The following FBXO11 variants were observed in gnomAD, a reference collection of about 807,000 sequenced individuals.
FBXO11 encodes F-box protein 11.
FBXO11 carries 13 observed loss-of-function variants against 117.0 expected under a neutral mutation model. The ratio of observed to expected loss-of-function variants is 0.11; its 90% confidence interval spans 0.07 to 0.18. FBXO11 has a LOEUF of 0.18. Among genes scored for constraint, FBXO11 ranks in the 10% least tolerant of loss-of-function variants. FBXO11 has a pLI of 1.00. For missense variants in FBXO11, 767 were observed against 1,164.4 expected (o/e 0.66, Z 4.97); for synonymous variants, 490 against 380.5 (o/e 1.29, Z -3.35).
At chr2:47,816,355 A>AT (rs951105589) in intron 16 of FBXO11, among the ~76,000 whole-genome samples, 1 of 151,710 alleles carries the variant, frequency 6.6e-6, no homozygotes, top group Non-Finnish European at 1.5e-5. Context: ...AATTTTTTCT[A>AT]TTTTTTACAG....
chr2:47,825,852 C>A (rs548605517), intron 11 of FBXO11, among the ~76,000 whole-genome samples: 1 of 152,182 alleles, frequency 6.6e-6, no homozygotes, highest in African/African-American at 2.4e-5. Flanking sequence ...GCTGGGATTA[C>A]AGGTGTGAGC....
chr2:47,813,405 A>G, intron 17 of FBXO11, 28 bp from the exon 18 acceptor site: 2 of 1,073,736 alleles, frequency 1.9e-6, no homozygotes, highest in Non-Finnish European at 2.6e-6. Context: ...TAGGTTATCT[A>G]GAAGGTATAT....
chr2:47,811,117 GTCC>G (rs1670582036), intron 18 of FBXO11: 3 of 152,122 alleles, frequency 2.0e-5, no homozygotes, highest in South Asian at 2.1e-4. Context: ...ACTTCTTGGG[GTCC>G]TCCTCCTGTT....
intron 1 of FBXO11, among the ~76,000 whole-genome samples, chr2:47,871,949 A>C (rs1453576548): frequency 6.6e-6 from 1 of 152,212 alleles, no homozygotes; most frequent in Non-Finnish European, 1.5e-5. Flanking sequence ...TTTAATTTAC[A>C]AGAGCTCATT....
intron 1 of FBXO11, among the ~76,000 whole-genome samples, chr2:47,861,901 G>C (rs868353056): frequency 6.7e-6 from 1 of 149,634 alleles, no homozygotes; most frequent in African/African-American, 2.4e-5. Context: ...TGTCATGTAA[G>C]GTTAAGTTTT....
intron 1 of FBXO11, among the ~76,000 whole-genome samples, chr2:47,874,812 G>C (rs551749532): frequency 6.6e-6 from 1 of 151,424 alleles, no homozygotes; most frequent in East Asian, 1.9e-4. Flanking sequence ...TAGGATTATA[G>C]GCATGTGCCA....
chr2:47,905,640 G>C lies in FBXO11; in HGVS notation c.81C>G (p.Pro27=), dbSNP rs1404486081. Residue 27 remains proline, a synonymous_variant, in exon 1 of 23, where the codon CCC becomes CCG. Transcript: ENST00000403359. ...PRPVQQQQQQ[P]PQQPPPQPPQ... ...GCGGCTGCGGCGGCGGCTGCTGCGG[G>C]GGCTGCTGCTGCTGTTGCTGCACCG... The C allele has an allele frequency of 2.8e-6, 4 of 1,422,746 alleles. No individual in the cohort carries two copies. Among genetic ancestry groups the C allele is most frequent in the East Asian group, 3.1e-5 (1 of 32,632 alleles). 88.1% of individuals were successfully genotyped at this position (1,422,746 alleles called of 1,614,324 possible).
intron 11 of FBXO11, among the ~76,000 whole-genome samples, chr2:47,831,626 G>A (rs545831493): frequency 2.0e-4 from 31 of 151,598 alleles, no homozygotes; most frequent in Non-Finnish European, 3.5e-4. Context: ...ATTAGGACTT[G>A]AAAATTACCT....
Position 47,890,117 on chromosome 2 carries a change from A to G in FBXO11, c.232+15372T>C, listed in dbSNP as rs868576479. On this transcript the variant is annotated intron_variant, in intron 1 of 22. Coordinates refer to ENST00000403359, the MANE Select transcript of FBXO11 (RefSeq NM_001190274.2). The stretch of plus-strand genomic sequence containing the variant: ...AGGTACATGCCACCAGGCCTGGCTA[A>G]TTTTTATTATTTATTTATTTATTTA... Among the ~76,000 whole-genome samples the G allele has an allele frequency of 3.3e-5, 5 of 151,722 alleles. No individual in the cohort carries two copies. In the South Asian group the frequency reaches 6.2e-4, roughly 19 times the overall value.
Position 47,825,230 on chromosome 2 carries a change from GAAC to G in FBXO11, c.1399-1873_1399-1871del, listed in dbSNP as rs372926154. 4.5e-3 allele frequency among the ~76,000 whole-genome samples: 682 copies of G among 152,116 alleles called. 5 individuals carry two copies. Among genetic ancestry groups the G allele is most frequent in the African/African-American group, 0.016 (654 of 41,518 alleles). ...TTTTCAGACTTCATTTTCTAATAAA[GAAC>G]AAATTATCTATAACTTATATCTCTA... is the stretch of plus-strand genomic sequence containing the variant. On this transcript the variant is annotated intron_variant, in intron 11 of 22. Coordinates refer to ENST00000403359, the MANE Select transcript of FBXO11 (RefSeq NM_001190274.2).
intron 1 of FBXO11, among the ~76,000 whole-genome samples, chr2:47,858,110 AT>A (rs1173276207): frequency 6.6e-6 from 1 of 151,922 alleles, no homozygotes; most frequent in Non-Finnish European, 1.5e-5. Context: ...TCCAAGTTTT[AT>A]TTTTATTTTT....
chr2:47,834,998 T>C, intron 5 of FBXO11, 127 bp from the exon 6 acceptor site: 1 of 706,734 alleles, frequency 1.4e-6, no homozygotes, highest in Admixed American at 2.9e-5. Context: ...CCAAATAATT[T>C]TCTGTCAGAG....
At chr2:47,900,187 CCCT>C (rs1322532276) in intron 1 of FBXO11, among the ~76,000 whole-genome samples, 1 of 152,064 alleles carries the variant, frequency 6.6e-6, no homozygotes, top group African/African-American at 2.4e-5. Flanking sequence ...CTGTTTCTAT[CCCT>C]CAAGTAAGTT....
chr2:47,830,137 T>C (rs1316875525), intron 11 of FBXO11, among the ~76,000 whole-genome samples: 1 of 151,616 alleles, frequency 6.6e-6, no homozygotes, highest in Non-Finnish European at 1.5e-5. Flanking sequence ...AGAAAAATAG[T>C]AAAACAATAC....
chr2:47,876,018 T>C (rs868195731), intron 1 of FBXO11, among the ~76,000 whole-genome samples: 3 of 152,224 alleles, frequency 2.0e-5, no homozygotes, highest in Non-Finnish European at 2.9e-5. Flanking sequence ...GAAGGTATTA[T>C]TGTCATCCCC....
chr2:47,810,374 G>T lies in FBXO11; in HGVS notation c.2280C>A (p.Ile760=). The T allele has an allele frequency of 6.2e-7, 1 of 1,611,186 alleles. No homozygotes were observed. The highest frequency in any genetic ancestry group is 8.5e-7 in the Non-Finnish European group (1 of 1,179,036). The change falls in exon 19 of 23, where the codon ATC becomes ATA. Residue 760 remains isoleucine (I), a synonymous_variant. Coordinates refer to ENST00000403359, the MANE Select transcript of FBXO11 (RefSeq NM_001190274.2). ...IFRNAQAGVL[I]STNSHPILRK... ...TTAAGATTGGATGACTATTAGTGCT[G>T]ATGAGAACACCTGCTTGAGCATTCC...
intron 1 of FBXO11, among the ~76,000 whole-genome samples, chr2:47,862,455 T>A (rs1572864566): frequency 6.6e-6 from 1 of 151,930 alleles, no homozygotes; most frequent in African/African-American, 2.4e-5. Flanking sequence ...GCAAACTTTT[T>A]ATTTTTTATT....
chr2:47,834,209 G>C (rs1012805403), intron 7 of FBXO11, among the ~76,000 whole-genome samples: 1 of 152,060 alleles, frequency 6.6e-6, no homozygotes, highest in Non-Finnish European at 1.5e-5. Context: ...AATTAGCCAC[G>C]CATGGTGGTG....
intron 7 of FBXO11, among the ~76,000 whole-genome samples, chr2:47,834,368 G>A (rs573917790): frequency 6.7e-6 from 1 of 149,926 alleles, no homozygotes; most frequent in South Asian, 2.1e-4. Context: ...AAAAAAGGTT[G>A]GGGGGGGCGG....
Sources: gnomAD v4.1 joint callset for allele counts (sites outside exome capture counted in the v4.1 genomes callset) on GRCh38, gnomAD v4.1.1 for gene constraint, MANE v1.5 for transcripts, NCBI Gene and HGNC (gene_info 2026-07-23, HGNC 2026-07-21) for gene names.